BMPR1B: variants seen among roughly 807,000 people sequenced by gnomAD.
The protein encoded by BMPR1B is bone morphogenetic protein receptor type 1B.
A neutral mutation model predicts 59.1 loss-of-function variants in BMPR1B; 12 were observed. That is an observed-to-expected ratio of 0.20 (90% CI 0.13 to 0.33). The LOEUF (loss-of-function observed/expected upper bound fraction) is 0.33, where lower values mean the gene tolerates loss of function less well. Ranked by LOEUF, BMPR1B falls within the 10% of genes least tolerant of loss-of-function variation. The probability of loss-of-function intolerance (pLI) is 1.00; values close to 1 mark genes in which losing one functional copy is unlikely to be tolerated. For missense variants in BMPR1B, 550 were observed against 610.9 expected, an observed-to-expected ratio of 0.90 and a Z score of 1.05; for synonymous variants, 237 against 207.3, an observed-to-expected ratio of 1.14 and a Z score of -1.23.
intron 1 of BMPR1B, among the ~76,000 whole-genome samples, chr4:94,803,942 A>T (rs997878172): frequency 6.6e-6 from 1 of 152,096 alleles, no homozygotes; most frequent in African/African-American, 2.4e-5. Flanking sequence ...GCAGTGGTGG[A>T]ATCTCGGCTC....
chr4:94,916,590 C>G (rs995678233), intron 2 of BMPR1B, among the ~76,000 whole-genome samples: 2 of 152,208 alleles, frequency 1.3e-5, no homozygotes, highest in African/African-American at 4.8e-5. Flanking sequence ...TTCTAACAAC[C>G]TACACTCAGA....
At chr4:94,970,977 A>C (rs6842938) in intron 2 of BMPR1B, among the ~76,000 whole-genome samples, 12,065 of 152,194 alleles carry the variant, frequency 0.079, 558 homozygotes, top group African/African-American at 0.13. Context: ...GTCTTAATAC[A>C]TTTTACAGTC....
chr4:94,864,730 G>A (rs1275324330), intron 1 of BMPR1B, among the ~76,000 whole-genome samples: 2 of 152,034 alleles, frequency 1.3e-5, no homozygotes, highest in East Asian at 3.9e-4. Flanking sequence ...CAACGTAAAT[G>A]TTATGTAAAT....
chr4:95,121,187 A>G (rs188040556), intron 6 of BMPR1B, among the ~76,000 whole-genome samples: 314 of 152,344 alleles, frequency 2.1e-3, no homozygotes, highest in Non-Finnish European at 3.5e-3. Flanking sequence ...CAATAGCCAC[A>G]AAGAATATGA....
At chr4:94,873,659 C>T (rs1284021969) in intron 1 of BMPR1B, among the ~76,000 whole-genome samples, 2 of 152,254 alleles carry the variant, frequency 1.3e-5, no homozygotes, top group Non-Finnish European at 2.9e-5. Context: ...CTGCCCACCT[C>T]GCCCTCCCAA....
intron 1 of BMPR1B, among the ~76,000 whole-genome samples, chr4:94,796,889 G>C (rs551884158): frequency 6.6e-6 from 1 of 152,284 alleles, no homozygotes; most frequent in South Asian, 2.1e-4. Context: ...GTATAATAGA[G>C]TTTACTTGTT....
At chr4:95,069,928 C>T (rs765035268) in intron 3 of BMPR1B, among the ~76,000 whole-genome samples, 3 of 152,118 alleles carry the variant, frequency 2.0e-5, no homozygotes, top group African/African-American at 2.4e-5. Flanking sequence ...GGAGAAACCC[C>T]GTCTCTACTA....
intron 2 of BMPR1B, among the ~76,000 whole-genome samples, chr4:94,953,239 TG>T (rs1730015923): frequency 6.6e-6 from 1 of 152,222 alleles, no homozygotes; most frequent in Admixed American, 6.5e-5. Flanking sequence ...GCCTTTTAAT[TG>T]GGGCATTTAG....
chr4:94,943,975 T>G (rs1005638810), intron 2 of BMPR1B, among the ~76,000 whole-genome samples: 1 of 152,170 alleles, frequency 6.6e-6, no homozygotes, highest in Non-Finnish European at 1.5e-5. Flanking sequence ...ACCCTAACCC[T>G]TTTGAGTACC....
intron 3 of BMPR1B, among the ~76,000 whole-genome samples, chr4:95,066,808 C>T (rs1727842789): frequency 6.6e-6 from 1 of 152,120 alleles, no homozygotes; most frequent in South Asian, 2.1e-4. Context: ...ACAAGCCCCT[C>T]AGTGATTTTG....
intron 2 of BMPR1B, among the ~76,000 whole-genome samples, chr4:94,936,207 TA>T (rs1729289815): frequency 6.6e-6 from 1 of 152,194 alleles, no homozygotes; most frequent in South Asian, 2.1e-4. Flanking sequence ...TCACAGAAAT[TA>T]AATCATTAAT....
At chr4:94,911,973 A>G (rs141413166) in intron 2 of BMPR1B, among the ~76,000 whole-genome samples, 170 of 152,274 alleles carry the variant, frequency 1.1e-3, no homozygotes, top group African/African-American at 3.8e-3. Flanking sequence ...TTACAAAAGA[A>G]AGAGGTTTAA....
At chr4:94,878,975 A>G (rs1011584251) in intron 2 of BMPR1B, among the ~76,000 whole-genome samples, 1 of 152,058 alleles carries the variant, frequency 6.6e-6, no homozygotes, top group African/African-American at 2.4e-5. Flanking sequence ...TTCACATTGC[A>G]TATTCAGGCA....
chr4:95,136,053 T>C (rs1025925176), intron 10 of BMPR1B, among the ~76,000 whole-genome samples: 1 of 152,172 alleles, frequency 6.6e-6, no homozygotes, highest in African/African-American at 2.4e-5. Flanking sequence ...AACTAGTTTT[T>C]TGAGAGTTTT....
At chr4:95,144,775 C>T (rs1488856601) in intron 10 of BMPR1B, among the ~76,000 whole-genome samples, 4 of 152,136 alleles carry the variant, frequency 2.6e-5, no homozygotes, top group Non-Finnish European at 5.9e-5. Flanking sequence ...TCCAACCATT[C>T]TCCATGGGAA....
At chr4:95,077,009 G>C (rs572416106) in intron 3 of BMPR1B, among the ~76,000 whole-genome samples, 1 of 152,026 alleles carries the variant, frequency 6.6e-6, no homozygotes. Context: ...GCATATGCAC[G>C]TGTGTTGTCT....
chr4:95,108,792 C>A (rs919145760), intron 4 of BMPR1B, among the ~76,000 whole-genome samples: 1 of 152,074 alleles, frequency 6.6e-6, no homozygotes, highest in Non-Finnish European at 1.5e-5. Flanking sequence ...CTCTCTCCCT[C>A]GAGATACCAT....
intron 1 of BMPR1B, among the ~76,000 whole-genome samples, chr4:94,841,626 C>T (rs1725084654): frequency 6.6e-6 from 1 of 152,180 alleles, no homozygotes. Context: ...TCGGCTCGCA[C>T]ACGGTGCGCG....
intron 2 of BMPR1B, among the ~76,000 whole-genome samples, chr4:94,958,002 T>C (rs1031512769): frequency 2.6e-5 from 4 of 152,108 alleles, no homozygotes; most frequent in Non-Finnish European, 4.4e-5. Context: ...ATATATGGAA[T>C]AAAAGGTAAA....
Sources: gnomAD v4.1 joint callset for allele counts (sites outside exome capture counted in the v4.1 genomes callset) on GRCh38, gnomAD v4.1.1 for gene constraint, MANE v1.5 for transcripts, NCBI Gene and HGNC (gene_info 2026-07-23, HGNC 2026-07-21) for gene names.